Variants in STAT2 observed in about 807,000 individuals in gnomAD.
The protein encoded by STAT2 is signal transducer and activator of transcription 2.
STAT2 carries 51 observed loss-of-function variants against 122.3 expected under a neutral mutation model. That is an observed-to-expected ratio of 0.42 (90% CI 0.33 to 0.53). STAT2 has a LOEUF of 0.53. Ranked by LOEUF, STAT2 falls within the 20% of genes least tolerant of loss-of-function variation. The pLI is 0.10. For missense variants in STAT2, 736 were observed against 1,010.3 expected (o/e 0.73, Z 3.68); for synonymous variants, 351 against 394.9 (o/e 0.89, Z 1.32).
chr12:56,347,647 G>A (rs543858257), intron 19 of STAT2, among the ~76,000 whole-genome samples: 4 of 151,906 alleles, frequency 2.6e-5, no homozygotes, highest in African/African-American at 4.8e-5. Flanking sequence ...GATTACAGGC[G>A]CCCACCACCA....
At chr12:56,353,419 C>T (rs1035842348) in intron 8 of STAT2, among the ~76,000 whole-genome samples, 5 of 151,932 alleles carry the variant, frequency 3.3e-5, no homozygotes, top group South Asian at 2.1e-4. Flanking sequence ...AGGCATGAGA[C>T]GCCATGCCTG....
chr12:56,357,297 C>T (rs1267724928), intron 1 of STAT2, among the ~76,000 whole-genome samples: 1 of 151,814 alleles, frequency 6.6e-6, no homozygotes, highest in Non-Finnish European at 1.5e-5. Context: ...ACTTCGGACT[C>T]CCAAAGTACT....
chr12:56,355,851 T>A, intron 3 of STAT2, 48 bp from the exon 4 acceptor site: 1 of 1,567,206 alleles, frequency 6.4e-7, no homozygotes, highest in South Asian at 1.1e-5. Flanking sequence ...CCACTCTCAA[T>A]GACCTATTGC....
intron 1 of STAT2, among the ~76,000 whole-genome samples, chr12:56,359,757 T>C (rs1357085441): frequency 2.0e-5 from 3 of 152,228 alleles, no homozygotes; most frequent in Admixed American, 2.0e-4. Context: ...CATCGTTTTT[T>C]GGTGAAGATA....
At chr12:56,356,325 G>A (rs1879503783) in intron 2 of STAT2, 40 bp from the exon 3 acceptor site, 1 of 1,608,392 alleles carries the variant, frequency 6.2e-7, no homozygotes, top group Admixed American at 1.7e-5. Flanking sequence ...TCTCTGCAGT[G>A]TTACTGTAGT....
intron 1 of STAT2, among the ~76,000 whole-genome samples, chr12:56,359,473 G>A (rs969030808): frequency 2.1e-5 from 3 of 139,868 alleles, no homozygotes; most frequent in Non-Finnish European, 3.4e-5. Context: ...GATATTAAAG[G>A]AGCAAGTCAG....
intron 8 of STAT2, among the ~76,000 whole-genome samples, chr12:56,354,016 A>AAAATATATATATATAT (rs71081350): frequency 7.8e-4 from 13 of 16,694 alleles, no homozygotes; most frequent in Non-Finnish European, 1.6e-3. Flanking sequence ...AAAAAAAAAA[A>AAAATATATATATATAT]ATATATATAT....
intron 8 of STAT2, among the ~76,000 whole-genome samples, chr12:56,351,772 TC>T (rs1333432706): frequency 3.3e-5 from 5 of 152,268 alleles, no homozygotes; most frequent in South Asian, 2.1e-4. Flanking sequence ...ACTATTATTT[TC>T]CCCACATTAC....
In STAT2 at chr12:56,341,725, C is replaced by T. The variant is rs1401608121; in HGVS notation, c.*1664G>A. 6.6e-6 allele frequency: 1 copy of T among 152,216 alleles called. No homozygotes were observed. Among genetic ancestry groups the T allele is most frequent in the Non-Finnish European group, 1.5e-5 (1 of 68,044 alleles). The allele number at this position is 152,216 out of a possible 1,614,324, so 9.4% of individuals were successfully genotyped here. ...CAGGGCCTTTCCTTTATATCTCAAG[C>T]TACATCAGGAGAACATCTTGGAGCA... On this transcript the variant is annotated 3_prime_UTR_variant, in exon 24 of 24. Transcript: ENST00000314128.
chr12:56,357,978 C>T (rs895357742), intron 1 of STAT2, among the ~76,000 whole-genome samples: 82 of 152,222 alleles, frequency 5.4e-4, no homozygotes, highest in African/African-American at 1.9e-3. Flanking sequence ...CCGGGATTAA[C>T]AGGCATGAGC....
At chr12:56,354,987 C>G (rs1221759051) in intron 6 of STAT2, 124 bp from the exon 7 acceptor site, 1 of 1,040,728 alleles carries the variant, frequency 9.6e-7, no homozygotes, top group Non-Finnish European at 1.4e-6. Context: ...AAAGCACAGG[C>G]ACCTGTGGGA....
intron 22 of STAT2, among the ~76,000 whole-genome samples, chr12:56,344,949 A>C (rs1412561475): frequency 6.6e-6 from 1 of 151,836 alleles, no homozygotes. Context: ...CAGAGGTTGC[A>C]GTGAGCTGAG....
rs150170283 is a variant in STAT2, at chr12:56,348,588, T to C, written c.1665A>G (p.Thr555=). 32 of 1,614,020 alleles carry C rather than the reference T, an allele frequency of 2.0e-5. No homozygotes were observed. The highest frequency in any genetic ancestry group is 3.3e-5 in the South Asian group (3 of 91,088). ...ESPPGKLPFW[T]WLDKILELVH... Reference sequence around the variant, plus strand: ...CCAACTCCAGAATTTTGTCCAGCCATGTCCAGAATGGTAACTTGCCAGGAG... The same window carrying C: ...CCAACTCCAGAATTTTGTCCAGCCACGTCCAGAATGGTAACTTGCCAGGAG... The change falls in exon 19 of 24, where the codon ACA becomes ACG. Residue 555 remains threonine, a synonymous_variant. Coordinates refer to ENST00000314128, the MANE Select transcript of STAT2 (RefSeq NM_005419.4).
chr12:56,353,129 A>G (rs1413681159), intron 8 of STAT2, among the ~76,000 whole-genome samples: 1 of 152,088 alleles, frequency 6.6e-6, no homozygotes, highest in Non-Finnish European at 1.5e-5. Context: ...GAATACAGGC[A>G]TGCGCCACCA....
At chr12:56,355,603 C>T in intron 4 of STAT2, 71 bp from the exon 5 acceptor site, 1 of 1,595,798 alleles carries the variant, frequency 6.3e-7, no homozygotes. Context: ...TGAAATTATA[C>T]CACAGGATGT....
intron 12 of STAT2, 96 bp downstream of exon 12, chr12:56,350,316 C>G: frequency 6.9e-7 from 1 of 1,454,850 alleles, no homozygotes; most frequent in Non-Finnish European, 9.4e-7. Context: ...TATCCCAAAT[C>G]CCCCTCTTCC....
rs533792642 is a variant in STAT2 at position 56,348,905 on chromosome 12, G to C, written c.1576+19C>G. 21 of 1,613,234 alleles carry C rather than the reference G, an allele frequency of 1.3e-5. 1 individual carries two copies. The South Asian group carries it at 2.3e-4, about 18-fold the overall frequency. The stretch of plus-strand genomic sequence containing the variant: ...AAGACTAAGGCTGGGGAAAGGCTGA[G>C]AGAAAAGGAAATCTGTACCGAACAG... On this transcript the variant is annotated intron_variant, in intron 17 of 23. Transcript: ENST00000314128.
chr12:56,359,026 A>G (rs1879961294), intron 1 of STAT2, among the ~76,000 whole-genome samples: 1 of 152,166 alleles, frequency 6.6e-6, no homozygotes, highest in Non-Finnish European at 1.5e-5. Context: ...TTGCAGCCTG[A>G]GCCTAACAGA....
At chr12:56,346,099 A>G (rs1853997693) in intron 22 of STAT2, 47 bp downstream of exon 22, 3 of 1,612,762 alleles carry the variant, frequency 1.9e-6, no homozygotes, top group Non-Finnish European at 2.5e-6. Flanking sequence ...TCACTGAAGC[A>G]GAGCCAAAAA....
Sources: gnomAD v4.1 joint callset for allele counts (sites outside exome capture counted in the v4.1 genomes callset) on GRCh38, gnomAD v4.1.1 for gene constraint, MANE v1.5 for transcripts, NCBI Gene and HGNC (gene_info 2026-07-23, HGNC 2026-07-21) for gene names.